The following MACROD2 variants were observed in gnomAD, a reference collection of about 807,000 sequenced individuals.
MACROD2 encodes the protein mono-ADP ribosylhydrolase 2, also known as ADP-ribose glycohydrolase MACROD2.
A neutral mutation model predicts 70.4 loss-of-function variants in MACROD2; 36 were observed. The ratio of observed to expected loss-of-function variants is 0.51; its 90% CI spans 0.39 to 0.68. MACROD2 has a LOEUF of 0.68. Ranked by LOEUF, MACROD2 falls within the 30% of genes least tolerant of loss-of-function variation. MACROD2 has a pLI of 0.00. For synonymous variants in MACROD2, 172 were observed against 178.8 expected (o/e 0.96, Z 0.30); for missense variants, 496 against 538.4 (o/e 0.92, Z 0.78).
chr20:14,907,557 C>A (rs1368671348), intron 5 of MACROD2, among the ~76,000 whole-genome samples: 1 of 152,120 alleles, frequency 6.6e-6, no homozygotes, highest in Admixed American at 6.6e-5. Context: ...AGGCAATTCA[C>A]AAAATTCACA....
At chr20:15,951,351 A>ACACACACACACACACAC (rs71192308) in intron 12 of MACROD2, among the ~76,000 whole-genome samples, 1 of 149,076 alleles carries the variant, frequency 6.7e-6, no homozygotes, top group East Asian at 2.0e-4. Context: ...ACACACACAC[A>ACACACACACACACACAC]AAGAGAGAGA....
At chr20:15,006,141 A>G (rs199733043) in intron 5 of MACROD2, among the ~76,000 whole-genome samples, 3,731 of 134,336 alleles carry the variant, frequency 0.028, 57 homozygotes, top group Middle Eastern at 0.076. Context: ...ATATATATAT[A>G]TGTGTGTGTG....
chr20:14,591,309 A>T (rs548711099), intron 4 of MACROD2, among the ~76,000 whole-genome samples: 24 of 152,206 alleles, frequency 1.6e-4, no homozygotes, highest in Non-Finnish European at 3.5e-4. Context: ...CAAGGCTGTT[A>T]ACATAATTAT....
At chr20:15,483,731 A>AT (rs371892860) in intron 7 of MACROD2, among the ~76,000 whole-genome samples, 10,434 of 149,496 alleles carry the variant, frequency 0.07, 396 homozygotes, top group Middle Eastern at 0.11. Flanking sequence ...TTCTCCTTTG[A>AT]TTTTTTTTTT....
At chr20:15,660,360 T>C (rs2049802293) in intron 8 of MACROD2, among the ~76,000 whole-genome samples, 1 of 152,144 alleles carries the variant, frequency 6.6e-6, no homozygotes, top group Non-Finnish European at 1.5e-5. Flanking sequence ...TCTTCAATAA[T>C]TCCTCTGTTG....
chr20:15,492,237 A>G (rs1189792685), intron 7 of MACROD2, among the ~76,000 whole-genome samples: 1 of 151,964 alleles, frequency 6.6e-6, no homozygotes, highest in East Asian at 1.9e-4. Context: ...ATTTCATTGC[A>G]CTATCAGAAT....
intron 5 of MACROD2, among the ~76,000 whole-genome samples, chr20:14,773,524 C>T (rs1568788099): frequency 1.3e-5 from 2 of 151,994 alleles, no homozygotes; most frequent in African/African-American, 4.8e-5. Flanking sequence ...CAGGTTCTTT[C>T]ATGTTGTCAT....
At chr20:14,815,085 A>G (rs1223927306) in intron 5 of MACROD2, among the ~76,000 whole-genome samples, 1 of 152,060 alleles carries the variant, frequency 6.6e-6, no homozygotes, top group Non-Finnish European at 1.5e-5. Context: ...CTGGGGCCTC[A>G]AGGTGAGAGA....
chr20:14,804,085 C>G (rs553042261), intron 5 of MACROD2, among the ~76,000 whole-genome samples: 2 of 152,096 alleles, frequency 1.3e-5, no homozygotes, highest in South Asian at 4.1e-4. Context: ...ATTTGTATTT[C>G]TTTATGTGTG....
intron 5 of MACROD2, among the ~76,000 whole-genome samples, chr20:15,039,462 G>C (rs1021393144): frequency 1.3e-5 from 2 of 152,142 alleles, no homozygotes; most frequent in African/African-American, 4.8e-5. Context: ...ATGGGAGAAA[G>C]GAGGGCAAAG....
At chr20:15,945,976 G>C (rs2065817261) in intron 12 of MACROD2, among the ~76,000 whole-genome samples, 1 of 152,160 alleles carries the variant, frequency 6.6e-6, no homozygotes, top group African/African-American at 2.4e-5. Context: ...GCAGGGATTG[G>C]AACCACGGCA....
chr20:15,750,275 A>C (rs1391930746), intron 8 of MACROD2, among the ~76,000 whole-genome samples: 1 of 152,048 alleles, frequency 6.6e-6, no homozygotes, highest in Non-Finnish European at 1.5e-5. Context: ...CATCAGGAAA[A>C]CACAAATCTA....
At chr20:15,517,179 T>A (rs1339270304) in intron 8 of MACROD2, among the ~76,000 whole-genome samples, 1 of 152,070 alleles carries the variant, frequency 6.6e-6, no homozygotes, top group Non-Finnish European at 1.5e-5. Context: ...CACATACCAT[T>A]TCTCCCTTGC....
At chr20:15,267,872 G>A (rs2077310568) in intron 6 of MACROD2, among the ~76,000 whole-genome samples, 1 of 152,192 alleles carries the variant, frequency 6.6e-6, no homozygotes, top group Non-Finnish European at 1.5e-5. Flanking sequence ...ATGGGGGCCT[G>A]TGAACAGGAA....
At chr20:15,558,994 C>T (rs1410000825) in intron 8 of MACROD2, among the ~76,000 whole-genome samples, 4 of 152,008 alleles carry the variant, frequency 2.6e-5, no homozygotes, top group African/African-American at 9.6e-5. Flanking sequence ...TTTGGGAGGC[C>T]GAGACGGGCG....
chr20:15,633,622 T>G (rs1245537056), intron 8 of MACROD2, among the ~76,000 whole-genome samples: 1 of 152,206 alleles, frequency 6.6e-6, no homozygotes, highest in Non-Finnish European at 1.5e-5. Flanking sequence ...TGTCATGATC[T>G]GGTTATTACT....
At chr20:14,275,488 G>T (rs2082243946) in intron 3 of MACROD2, among the ~76,000 whole-genome samples, 1 of 151,568 alleles carries the variant, frequency 6.6e-6, no homozygotes, top group South Asian at 2.1e-4. Flanking sequence ...ATTCAAGATG[G>T]ATTAAAGACT....
chr20:14,397,112 A>G (rs1381436852), intron 3 of MACROD2, among the ~76,000 whole-genome samples: 5 of 148,812 alleles, frequency 3.4e-5, no homozygotes, highest in Non-Finnish European at 7.4e-5. Flanking sequence ...CTCCTGCCTC[A>G]GCCTCCAGAG....
intron 15 of MACROD2, among the ~76,000 whole-genome samples, chr20:16,033,724 GACT>G (rs1370106572): frequency 6.6e-6 from 1 of 151,970 alleles, no homozygotes; most frequent in Non-Finnish European, 1.5e-5. Context: ...GAAATGCCAG[GACT>G]TGGATTTGAA....
Sources: gnomAD v4.1 joint callset for allele counts (sites outside exome capture counted in the v4.1 genomes callset) on GRCh38, gnomAD v4.1.1 for gene constraint, MANE v1.5 for transcripts, NCBI Gene and HGNC (gene_info 2026-07-23, HGNC 2026-07-21) for gene names.